CCSER1: variants seen among roughly 807,000 people sequenced by gnomAD.
CCSER1 encodes coiled-coil serine rich protein 1.
In CCSER1, 41 loss-of-function variants were observed where a neutral mutation model predicts 82.0. That is an observed-to-expected ratio of 0.50 (90% CI 0.39 to 0.65). The LOEUF (loss-of-function observed/expected upper bound fraction) is 0.65. CCSER1 is among the 30% of genes least tolerant of loss of function. The pLI is 0.00. For missense variants in CCSER1, 1,119 were observed against 1,064.2 expected (o/e 1.05, Z -0.72); for synonymous variants, 414 against 383.9 (o/e 1.08, Z -0.92).
intron 9 of CCSER1, among the ~76,000 whole-genome samples, chr4:90,929,727 C>T (rs561781237): frequency 1.3e-5 from 2 of 152,138 alleles, no homozygotes; most frequent in Admixed American, 6.5e-5. Flanking sequence ...AAACAGCACA[C>T]GAGGATGGGG....
At position 91,462,412 on chromosome 4, in the gene CCSER1, T is replaced by C. The variant is rs146088820; in HGVS notation, c.2218-136160T>C. On this transcript the variant is annotated intron_variant, in intron 10 of 10. Transcript: ENST00000509176. Reference sequence around the variant, plus strand: ...GATGGCCGAATAGGAACAGCTCTAGTCTACAGCTCCTAGCGTCAGCCACGC... The same window carrying C: ...GATGGCCGAATAGGAACAGCTCTAGCCTACAGCTCCTAGCGTCAGCCACGC... Among the ~76,000 whole-genome samples the C allele has an allele frequency of 6.4e-4, 98 of 152,228 alleles. 1 individual carries two copies. The highest frequency in any genetic ancestry group is 2.2e-3 in the African/African-American group (90 of 41,552).
intron 9 of CCSER1, among the ~76,000 whole-genome samples, chr4:91,048,016 A>G (rs1187395287): frequency 6.6e-6 from 1 of 152,006 alleles, no homozygotes; most frequent in African/African-American, 2.4e-5. Flanking sequence ...TCCTATCTCA[A>G]AAAAAGTCCT....
chr4:91,034,408 T>A (rs758887896), intron 9 of CCSER1, among the ~76,000 whole-genome samples: 25 of 152,322 alleles, frequency 1.6e-4, no homozygotes, highest in South Asian at 4.1e-4. Context: ...AAGCTTCATC[T>A]CAAATACTAA....
intron 5 of CCSER1, among the ~76,000 whole-genome samples, chr4:90,478,898 A>T (rs988022090): frequency 2.0e-5 from 3 of 150,954 alleles, no homozygotes; most frequent in Non-Finnish European, 4.4e-5. Context: ...GTGCCACCAC[A>T]CTCGGCTAAT....
At chr4:91,371,715 C>G (rs1750062836) in intron 10 of CCSER1, among the ~76,000 whole-genome samples, 1 of 152,122 alleles carries the variant, frequency 6.6e-6, no homozygotes. Flanking sequence ...TCATTCTTGA[C>G]AATCTCTAGT....
chr4:90,883,053 G>T (rs192739558), intron 8 of CCSER1, among the ~76,000 whole-genome samples: 1 of 151,938 alleles, frequency 6.6e-6, no homozygotes, highest in Non-Finnish European at 1.5e-5. Context: ...GGTCTAGAGA[G>T]GTAAGTAACC....
At chr4:90,759,426 TAAG>T (rs1364329645) in intron 7 of CCSER1, among the ~76,000 whole-genome samples, 1 of 152,198 alleles carries the variant, frequency 6.6e-6, no homozygotes, top group Non-Finnish European at 1.5e-5. Context: ...AAAACGGGAT[TAAG>T]AAGGAGATGA....
chr4:91,296,286 C>G (rs1047582885), intron 10 of CCSER1, among the ~76,000 whole-genome samples: 1 of 151,104 alleles, frequency 6.6e-6, no homozygotes, highest in Admixed American at 6.6e-5. Flanking sequence ...CCATAGAACA[C>G]CACTCCCTTA....
At chr4:91,163,132 T>A (rs917694518) in intron 10 of CCSER1, among the ~76,000 whole-genome samples, 1 of 152,246 alleles carries the variant, frequency 6.6e-6, no homozygotes, top group Non-Finnish European at 1.5e-5. Context: ...GTATGTTGTG[T>A]CTTTGTTCTC....
chr4:90,945,954 G>A (rs1732187461), intron 9 of CCSER1, among the ~76,000 whole-genome samples: 1 of 152,066 alleles, frequency 6.6e-6, no homozygotes, highest in Non-Finnish European at 1.5e-5. Context: ...GAAATATAGA[G>A]GAGTTAAGTA....
chr4:90,805,258 G>C (rs1757359434), intron 7 of CCSER1, among the ~76,000 whole-genome samples: 1 of 152,258 alleles, frequency 6.6e-6, no homozygotes, highest in Admixed American at 6.5e-5. Flanking sequence ...TGTTAGCTGA[G>C]ACTTTAGTCA....
intron 5 of CCSER1, among the ~76,000 whole-genome samples, chr4:90,499,199 G>A (rs190750818): frequency 2.0e-5 from 3 of 151,692 alleles, no homozygotes; most frequent in East Asian, 1.9e-4. Flanking sequence ...TGGCTGAATC[G>A]ATGCCCTAAT....
rs766301496 is a variant in CCSER1 at position 90,906,943 on chromosome 4, G to A, written c.2095-16427G>A. On this transcript the variant is annotated intron_variant, in intron 8 of 10. Transcript: ENST00000509176. Reference sequence around the variant, plus strand: ...TGTGTGAATGTATTTGTATGTGTGCGTGTGCACATCTTGAGGCTTAAAGGG... The same window carrying A: ...TGTGTGAATGTATTTGTATGTGTGCATGTGCACATCTTGAGGCTTAAAGGG... Among the ~76,000 whole-genome samples the A allele has an allele frequency of 7.2e-5, 11 of 152,052 alleles. No individual in the cohort carries two copies. The East Asian group carries it at 7.7e-4, about 11-fold the overall frequency.
intron 8 of CCSER1, among the ~76,000 whole-genome samples, chr4:90,870,815 C>CTTTT (rs35869800): frequency 9.1e-6 from 1 of 109,550 alleles, no homozygotes; most frequent in Non-Finnish European, 1.9e-5. Context: ...AGGTCCTTGG[C>CTTTT]TTTTTTTTTT....
At chr4:90,809,670 C>T (rs536741828) in intron 7 of CCSER1, among the ~76,000 whole-genome samples, 1 of 151,652 alleles carries the variant, frequency 6.6e-6, no homozygotes, top group African/African-American at 2.4e-5. Context: ...ACTTGTACCC[C>T]TAAAGCTATA....
intron 3 of CCSER1, among the ~76,000 whole-genome samples, chr4:90,344,931 A>G (rs1045561221): frequency 6.6e-6 from 1 of 152,106 alleles, no homozygotes; most frequent in African/African-American, 2.4e-5. Context: ...AAAATATTGA[A>G]TGCATATAAA....
chr4:90,211,556 AC>A (rs1263906344), intron 1 of CCSER1, among the ~76,000 whole-genome samples: 1 of 152,216 alleles, frequency 6.6e-6, no homozygotes, highest in Non-Finnish European at 1.5e-5. Flanking sequence ...CAAGAAGAGA[AC>A]AATTTGACTC....
chr4:90,320,175 G>T (rs987983969), intron 3 of CCSER1, among the ~76,000 whole-genome samples: 1 of 151,884 alleles, frequency 6.6e-6, no homozygotes, highest in South Asian at 2.1e-4. Context: ...CATTTCTTGC[G>T]GTCATTAATA....
At chr4:90,405,609 G>A (rs1578306615) in intron 4 of CCSER1, among the ~76,000 whole-genome samples, 2 of 152,214 alleles carry the variant, frequency 1.3e-5, no homozygotes, top group East Asian at 3.9e-4. Context: ...GAGCTGTGAG[G>A]CAAAAGCATC....
Sources: gnomAD v4.1 joint callset for allele counts (sites outside exome capture counted in the v4.1 genomes callset) on GRCh38, gnomAD v4.1.1 for gene constraint, MANE v1.5 for transcripts, NCBI Gene and HGNC (gene_info 2026-07-23, HGNC 2026-07-21) for gene names.